FMN1: variants seen among roughly 807,000 people sequenced by gnomAD.
FMN1 encodes the protein formin 1.
A neutral mutation model predicts 132.4 loss-of-function variants in FMN1; 110 were observed. That is an observed-to-expected ratio of 0.83 (90% CI 0.71 to 0.97). FMN1 has a LOEUF of 0.97. Among genes scored for constraint, FMN1 ranks in the 50% least tolerant of loss-of-function variants. The probability of loss-of-function intolerance (pLI) is 0.00; values close to 1 mark genes in which losing one functional copy is unlikely to be tolerated. For synonymous variants in FMN1, 722 were observed against 651.7 expected (o/e 1.11, Z -1.64); for missense variants, 1,792 against 1,705.3 (o/e 1.05, Z -0.90).
At chr15:32,912,740 G>GA (rs200570155) in intron 10 of FMN1, among the ~76,000 whole-genome samples, 1,651 of 144,600 alleles carry the variant, frequency 0.011, 18 homozygotes, top group African/African-American at 0.037. Flanking sequence ...TCAAGGTATA[G>GA]AAAAAAAAAA....
At chr15:32,798,682 C>T (rs1307750312) in intron 19 of FMN1, 122 bp downstream of exon 19, 5 of 929,616 alleles carry the variant, frequency 5.4e-6, no homozygotes, top group Non-Finnish European at 6.2e-6. Context: ...AGTCCTTCCC[C>T]TATGACCACT....
In FMN1 at chr15:33,154,333, G is replaced by T; in HGVS notation, c.582C>A (p.Asp194Glu). 4 of 1,536,128 alleles carry T rather than the reference G, an allele frequency of 2.6e-6. No homozygotes were observed. Among genetic ancestry groups the T allele is most frequent in the Non-Finnish European group, 3.5e-6 (4 of 1,146,910 alleles). ...GAAGGGAGTGGCTGGAACAGATCTT[G>T]TCCTTGCCCATCAGAGGAGCTGATT... is the stretch of plus-strand genomic sequence containing the variant. Reference protein sequence around the residue: ...GRESAPLMGKDKICSSHSLPL... With the variant: ...GRESAPLMGKEKICSSHSLPL... Residue 194 changes from aspartate to glutamate, a missense_variant, in exon 4 of 21, where the codon GAC (aspartate) becomes GAA (glutamate). By Grantham distance (45) the Asp-to-Glu change is conservative. Coordinates refer to ENST00000616417, the MANE Select transcript of FMN1 (RefSeq NM_001277313.2).
chr15:32,918,051 G>A (rs2060727285), intron 10 of FMN1, among the ~76,000 whole-genome samples: 1 of 151,798 alleles, frequency 6.6e-6, no homozygotes, highest in Non-Finnish European at 1.5e-5. Context: ...CAAACTATTT[G>A]CAGTTCTTCA....
At chr15:33,139,446 A>G (rs1407772504) in intron 4 of FMN1, among the ~76,000 whole-genome samples, 4 of 118,568 alleles carry the variant, frequency 3.4e-5, no homozygotes, top group East Asian at 4.2e-4. Flanking sequence ...AATACAAAAA[A>G]TTAGCCGGTG....
At chr15:33,068,293 T>C (rs1418020335) in intron 5 of FMN1, 1 of 177,558 alleles carries the variant, frequency 5.6e-6, no homozygotes, top group Non-Finnish European at 1.2e-5. Flanking sequence ...GCGGTTCTCC[T>C]GGTGGCATTC....
At chr15:33,071,579 G>T (rs1223468596) in intron 5 of FMN1, among the ~76,000 whole-genome samples, 2 of 152,184 alleles carry the variant, frequency 1.3e-5, no homozygotes, top group African/African-American at 4.8e-5. Context: ...CTGTAACCAA[G>T]GACTTTATCC....
intron 17 of FMN1, among the ~76,000 whole-genome samples, chr15:32,813,561 T>C (rs2057958583): frequency 6.6e-6 from 1 of 152,208 alleles, no homozygotes; most frequent in African/African-American, 2.4e-5. Context: ...AGGCAATCAT[T>C]TGATTTGTGG....
At chr15:33,006,048 C>T (rs1172794819) in intron 7 of FMN1, among the ~76,000 whole-genome samples, 1 of 152,164 alleles carries the variant, frequency 6.6e-6, no homozygotes, top group Non-Finnish European at 1.5e-5. Context: ...GAATAATTTT[C>T]TGCTACTTGC....
At chr15:33,148,088 A>C (rs557225746) in intron 4 of FMN1, among the ~76,000 whole-genome samples, 6 of 148,138 alleles carry the variant, frequency 4.1e-5, no homozygotes, top group African/African-American at 1.6e-4. Context: ...GAAATAAAAC[A>C]CTGTAATAAT....
chr15:32,872,674 C>T (rs891658187), intron 16 of FMN1, among the ~76,000 whole-genome samples: 1 of 152,194 alleles, frequency 6.6e-6, no homozygotes, highest in African/African-American at 2.4e-5. Context: ...AGTCCCCTTC[C>T]AGCAGTGCAA....
At position 32,969,311 on chromosome 15, in the gene FMN1, G is replaced by T. The variant is rs1316467989; in HGVS notation, c.2390C>A (p.Pro797Gln). ...VCISTDDDCP[P>Q]KTFRNVCVQT... ...GACGCACACATTTCTGAAGGTCTTT[G>T]GAGGGCAGTCATCATCGGTGGAAAT... Residue 797 changes from proline (P) to glutamine (Q), a missense_variant, in exon 8 of 21, where the codon CCA becomes CAA. Physicochemically the swap from Pro to Gln is moderately conservative, Grantham distance 76 (BLOSUM62 -1). Transcript: ENST00000616417. 6.2e-7 allele frequency: 1 copy of T among 1,613,830 alleles called. No individual in the cohort carries two copies. Among genetic ancestry groups the T allele is most frequent in the Non-Finnish European group, 8.5e-7 (1 of 1,179,870 alleles).
intron 3 of FMN1, among the ~76,000 whole-genome samples, chr15:33,159,956 C>A (rs567036926): frequency 6.6e-6 from 1 of 152,136 alleles, no homozygotes; most frequent in African/African-American, 2.4e-5. Flanking sequence ...TCGTTGATTT[C>A]GGGTGTGGGC....
intron 16 of FMN1, among the ~76,000 whole-genome samples, chr15:32,887,916 C>T (rs180851719): frequency 2.6e-5 from 4 of 151,988 alleles, no homozygotes; most frequent in African/African-American, 9.7e-5. Flanking sequence ...GTTATAACTA[C>T]TAAATGTTAG....
At chr15:33,127,418 T>C (rs1159875008) in intron 4 of FMN1, among the ~76,000 whole-genome samples, 1 of 152,218 alleles carries the variant, frequency 6.6e-6, no homozygotes, top group East Asian at 1.9e-4. Context: ...CCAGAACAAC[T>C]ATTTCCTTGA....
At chr15:33,099,877 C>G (rs1345093072) in intron 4 of FMN1, among the ~76,000 whole-genome samples, 2 of 152,158 alleles carry the variant, frequency 1.3e-5, no homozygotes, top group African/African-American at 4.8e-5. Context: ...TGCAATTTCT[C>G]CAGCACATGT....
chr15:33,169,740 C>CTTTTT (rs57083437), intron 3 of FMN1, among the ~76,000 whole-genome samples: 5 of 117,910 alleles, frequency 4.2e-5, no homozygotes, highest in Admixed American at 8.9e-5. Context: ...TTTTCTTTTC[C>CTTTTT]TTTTTTTTTT....
At chr15:33,014,172 G>C (rs2034900826) in intron 6 of FMN1, among the ~76,000 whole-genome samples, 1 of 152,232 alleles carries the variant, frequency 6.6e-6, no homozygotes, top group Non-Finnish European at 1.5e-5. Context: ...CTCACTTTGA[G>C]AGTTCACAAG....
intron 17 of FMN1, among the ~76,000 whole-genome samples, chr15:32,839,588 T>C (rs182387621): frequency 4.6e-4 from 70 of 152,254 alleles, no homozygotes; most frequent in African/African-American, 1.6e-3. Context: ...GTTTCTTTTA[T>C]CTGCCTACAT....
intron 9 of FMN1, among the ~76,000 whole-genome samples, chr15:32,944,182 T>C (rs907206367): frequency 2.6e-5 from 4 of 152,250 alleles, no homozygotes; most frequent in African/African-American, 7.2e-5. Context: ...TTTGGAAATA[T>C]GCAATTGTTA....
Sources: gnomAD v4.1 joint callset for allele counts (sites outside exome capture counted in the v4.1 genomes callset) on GRCh38, gnomAD v4.1.1 for gene constraint, MANE v1.5 for transcripts, NCBI Gene and HGNC (gene_info 2026-07-23, HGNC 2026-07-21) for gene names.